The following STPG2 variants were observed in gnomAD, a reference collection of about 807,000 sequenced individuals.
STPG2 encodes the protein sperm-tail PG-rich repeat-containing protein 2.
In STPG2, 56 loss-of-function variants were observed where a neutral mutation model predicts 54.2. The ratio of observed to expected loss-of-function variants is 1.03; its 90% CI spans 0.83 to 1.29. The LOEUF is 1.29. Among genes scored for constraint, STPG2 ranks in the 50% most tolerant of loss-of-function variants. The probability of loss-of-function intolerance (pLI) is 0.00; values close to 1 mark genes in which losing one functional copy is unlikely to be tolerated. For missense variants in STPG2, 596 were observed against 544.9 expected (o/e 1.09, Z -0.93); for synonymous variants, 200 against 181.8 (o/e 1.10, Z -0.81).
At chr4:97,581,738 A>C (rs1316015099) in intron 10 of STPG2, among the ~76,000 whole-genome samples, 1 of 152,092 alleles carries the variant, frequency 6.6e-6, no homozygotes, top group Non-Finnish European at 1.5e-5. Context: ...CAGATCCTTG[A>C]AATTCTTTTC....
intron 4 of STPG2, among the ~76,000 whole-genome samples, chr4:97,551,166 G>A (rs1222393793): frequency 6.6e-6 from 1 of 152,054 alleles, no homozygotes; most frequent in African/African-American, 2.4e-5. Flanking sequence ...CCTTTAGCTA[G>A]ACATAGAGCA....
intron 9 of STPG2, among the ~76,000 whole-genome samples, chr4:97,813,105 A>C (rs1300811404): frequency 6.6e-6 from 1 of 152,036 alleles, no homozygotes; most frequent in Non-Finnish European, 1.5e-5. Flanking sequence ...TTTTTTGCAA[A>C]CTATCATCCT....
intron 4 of STPG2, among the ~76,000 whole-genome samples, chr4:97,510,372 A>G (rs894007324): frequency 1.3e-5 from 2 of 152,134 alleles, no homozygotes; most frequent in Admixed American, 1.3e-4. Context: ...TTGCATTAGG[A>G]CAGTAGAAGG....
intron 10 of STPG2, among the ~76,000 whole-genome samples, chr4:97,628,289 T>C (rs1271010661): frequency 1.3e-5 from 2 of 152,094 alleles, no homozygotes; most frequent in African/African-American, 4.8e-5. Context: ...ACATCTCCTT[T>C]TAAAGGTGGA....
At chr4:97,492,846 A>C (rs1401044342) in intron 4 of STPG2, among the ~76,000 whole-genome samples, 1 of 150,648 alleles carries the variant, frequency 6.6e-6, no homozygotes, top group Non-Finnish European at 1.5e-5. Context: ...ATTTTGGAAG[A>C]TTGTATTTCT....
At chr4:97,974,254 G>T (rs1039105324) in intron 6 of STPG2, among the ~76,000 whole-genome samples, 2 of 152,164 alleles carry the variant, frequency 1.3e-5, no homozygotes, top group Non-Finnish European at 2.9e-5. Flanking sequence ...ACTTGGAATG[G>T]GTGTGTTTAC....
chr4:97,961,575 T>C (rs1271894160), intron 7 of STPG2, among the ~76,000 whole-genome samples: 1 of 152,086 alleles, frequency 6.6e-6, no homozygotes, highest in Non-Finnish European at 1.5e-5. Context: ...CAAATGAAGA[T>C]ATACAAATAG....
intron 9 of STPG2, among the ~76,000 whole-genome samples, chr4:97,764,950 C>T (rs1725994439): frequency 1.3e-5 from 2 of 151,928 alleles, no homozygotes; most frequent in Admixed American, 1.3e-4. Flanking sequence ...TATGCAGGGC[C>T]CCATCATAGT....
intron 5 of STPG2, among the ~76,000 whole-genome samples, chr4:98,005,991 G>T (rs898641356): frequency 6.6e-6 from 1 of 152,120 alleles, no homozygotes. Context: ...AAACCATCAG[G>T]TCCTGTGCTT....
intron 9 of STPG2, among the ~76,000 whole-genome samples, chr4:97,790,262 C>A (rs1236038193): frequency 1.3e-5 from 2 of 152,102 alleles, no homozygotes. Context: ...TTGCCTTTTC[C>A]AGAGATCCCT....
intron 9 of STPG2, among the ~76,000 whole-genome samples, chr4:97,779,522 G>A (rs908229137): frequency 6.6e-6 from 1 of 151,958 alleles, no homozygotes; most frequent in Admixed American, 6.6e-5. Context: ...ATATTATCCA[G>A]GAGAACTTCC....
chr4:97,609,463 AAAG>A (rs935143220), intron 10 of STPG2, among the ~76,000 whole-genome samples: 2 of 151,978 alleles, frequency 1.3e-5, no homozygotes, highest in Non-Finnish European at 2.9e-5. Flanking sequence ...CTGTCATAAG[AAAG>A]GAGGAAGAGG....
chr4:97,961,971 T>C (rs754784997), intron 7 of STPG2, among the ~76,000 whole-genome samples: 3 of 152,104 alleles, frequency 2.0e-5, no homozygotes, highest in Admixed American at 2.0e-4. Context: ...TGCCCATCAA[T>C]CAATGAGTGG....
intron 8 of STPG2, among the ~76,000 whole-genome samples, chr4:97,856,374 ACTTCCC>A (rs1729336905): frequency 6.6e-6 from 1 of 152,118 alleles, no homozygotes; most frequent in East Asian, 1.9e-4. Flanking sequence ...AAGATCCTTC[ACTTCCC>A]ATGTTAGCTG....
intron 10 of STPG2, among the ~76,000 whole-genome samples, chr4:97,678,997 T>C (rs1158186194): frequency 2.6e-5 from 4 of 152,184 alleles, no homozygotes; most frequent in African/African-American, 9.7e-5. Flanking sequence ...GGTGTATATG[T>C]GCCACATTTT....
intron 5 of STPG2, among the ~76,000 whole-genome samples, chr4:98,053,991 A>G (rs1213469593): frequency 2.0e-5 from 3 of 152,112 alleles, no homozygotes. Context: ...TTTATTATCT[A>G]CTTATCTGGT....
At chr4:97,477,612 G>C (rs932659900) in intron 4 of STPG2, among the ~76,000 whole-genome samples, 6 of 151,160 alleles carry the variant, frequency 4.0e-5, no homozygotes. Context: ...AAGTAGCTGG[G>C]ACTACAGGCG....
intron 9 of STPG2, among the ~76,000 whole-genome samples, chr4:97,782,019 G>A (rs528703348): frequency 3.9e-5 from 6 of 152,244 alleles, no homozygotes; most frequent in African/African-American, 1.4e-4. Flanking sequence ...TTGAAAACTG[G>A]CACAAGACAG....
At chr4:97,925,103 T>G (rs1191889032) in intron 8 of STPG2, among the ~76,000 whole-genome samples, 2 of 152,216 alleles carry the variant, frequency 1.3e-5, no homozygotes, top group Admixed American at 1.3e-4. Context: ...TGCAAATCTA[T>G]TACTTCTGAG....
Sources: allele counts gnomAD v4.1 joint callset (sites outside exome capture counted in the v4.1 genomes callset), GRCh38; gene constraint gnomAD v4.1.1; transcripts MANE v1.5; gene names NCBI Gene and HGNC (gene_info 2026-07-23, HGNC 2026-07-21).